The following ADGRV1 variants were observed in gnomAD, a reference collection of about 807,000 sequenced individuals.
ADGRV1 encodes the protein adhesion G protein-coupled receptor V1, also known as G-protein coupled receptor 98.
ADGRV1 carries 359 observed loss-of-function variants against 596.2 expected under a neutral mutation model. That is an observed-to-expected ratio of 0.60 (90% CI 0.55 to 0.66). ADGRV1 has a LOEUF of 0.66. Among genes scored for constraint, ADGRV1 ranks in the 30% least tolerant of loss-of-function variants. ADGRV1 has a pLI of 0.00. For synonymous variants in ADGRV1, 2,681 were observed against 2,679.2 expected (o/e 1.00, Z -0.02); for missense variants, 7,274 against 7,575.6 (o/e 0.96, Z 1.48).
At position 90,617,895 on chromosome 5, in the gene ADGRV1, T is replaced by C; in HGVS notation, c.299T>C (p.Val100Ala). 1 of 1,595,918 alleles carries C rather than the reference T, an allele frequency of 6.3e-7. No individual in the cohort carries two copies. Among genetic ancestry groups the C allele is most frequent in the Non-Finnish European group, 8.5e-7 (1 of 1,169,914 alleles). Reference sequence around the variant, plus strand: ...ACAAACAGAACAGTGTACATAGCAGTATGTGATGATGACTTACCAGAGCCT... The same window carrying C: ...ACAAACAGAACAGTGTACATAGCAGCATGTGATGATGACTTACCAGAGCCT... ...GETNRTVYIAVCDDDLPEPDE... is the reference protein window; with the variant it reads ...GETNRTVYIAACDDDLPEPDE... The change falls in exon 3 of 90, where the codon GTA (valine) becomes GCA (alanine). Residue 100 changes from valine (V) to alanine (A), a missense_variant. By Grantham distance (64) the Val-to-Ala change is moderately conservative. Transcript: ENST00000405460.
At chr5:90,736,654 T>C (rs1323086566) in intron 50 of ADGRV1, among the ~76,000 whole-genome samples, 1 of 152,068 alleles carries the variant, frequency 6.6e-6, no homozygotes. Flanking sequence ...TACTCATTAT[T>C]GATCTGCTTA....
In ADGRV1 at chr5:90,635,285, G is replaced by A; in HGVS notation, c.2011G>A (p.Glu671Lys). The change falls in exon 10 of 90, where the codon GAA (glutamate) becomes AAA (lysine). Residue 671 changes from glutamate (E) to lysine (K), a missense_variant. By Grantham distance (56) the Glu-to-Lys change is moderately conservative. This residue lies in a region of ADGRV1 where 1,715 missense variants were observed against 1,708.8 expected (regional missense o/e 1.00). Transcript: ENST00000405460. ...ILHEPEDFAAEVVYIPLHRDG... is the reference protein window; with the variant it reads ...ILHEPEDFAAKVVYIPLHRDG... ...GCATGAACCAGAAGATTTTGCTGCT[G>A]AAGTGGTAAGTAGGCTCTTTCTTAC... 6.2e-7 allele frequency: 1 copy of A among 1,609,202 alleles called. No individual in the cohort carries two copies. Among genetic ancestry groups the A allele is most frequent in the South Asian group, 1.1e-5 (1 of 89,886 alleles).
At chr5:91,060,812 A>AGCATATGT (rs757466413) in intron 85 of ADGRV1, among the ~76,000 whole-genome samples, 2,311 of 152,338 alleles carry the variant, frequency 0.015, 31 homozygotes, top group South Asian at 0.038. Context: ...CTATCACATA[A>AGCATATGT]AGCCACATAT....
chr5:90,960,021 C>T (rs1777855708), intron 83 of ADGRV1, among the ~76,000 whole-genome samples: 1 of 151,896 alleles, frequency 6.6e-6, no homozygotes, highest in East Asian at 1.9e-4. Flanking sequence ...CACCTGTAGT[C>T]CCAGCTACTC....
intron 1 of ADGRV1, among the ~76,000 whole-genome samples, chr5:90,562,264 G>A (rs931568190): frequency 1.3e-5 from 2 of 152,152 alleles, no homozygotes; most frequent in Admixed American, 6.5e-5. Flanking sequence ...CATGTAGAAT[G>A]GAGTAGTACA....
chr5:91,097,331 A>T (rs149529675), intron 86 of ADGRV1, among the ~76,000 whole-genome samples: 1 of 152,226 alleles, frequency 6.6e-6, no homozygotes, highest in African/African-American at 2.4e-5. Context: ...CAACCTAATC[A>T]CCTCCAAGCA....
chr5:90,973,568 A>G (rs564278873), intron 84 of ADGRV1, among the ~76,000 whole-genome samples: 1 of 152,218 alleles, frequency 6.6e-6, no homozygotes, highest in Non-Finnish European at 1.5e-5. Flanking sequence ...AGTAAACGTA[A>G]TCCAGCATAT....
intron 48 of ADGRV1, among the ~76,000 whole-genome samples, chr5:90,727,230 G>C (rs1751914738): frequency 6.6e-6 from 1 of 152,104 alleles, no homozygotes; most frequent in African/African-American, 2.4e-5. Context: ...TGGGTCAACA[G>C]GCGTGTGTCA....
Position 90,704,378 on chromosome 5 carries a change from G to C in ADGRV1, c.8287-11G>C, listed in dbSNP as rs1197823712. On this transcript the variant is annotated splice_polypyrimidine_tract_variant and intron_variant, in intron 35 of 89. Coordinates refer to ENST00000405460, the MANE Select transcript of ADGRV1 (RefSeq NM_032119.4). ...ACGACAGCGGGATTGATTTCTTTCT[G>C]TATGACATAGGGGTCGTTGAATACA... The C allele has an allele frequency of 4.0e-6, 6 of 1,516,998 alleles. No individual in the cohort carries two copies. The highest frequency in any genetic ancestry group is 5.4e-6 in the Non-Finnish European group (6 of 1,113,804). The allele number at this position is 1,516,998 out of a possible 1,614,324, so 94.0% of individuals were successfully genotyped here.
chr5:90,686,155 T>G (rs1008293906), intron 29 of ADGRV1, among the ~76,000 whole-genome samples, 160 bp downstream of exon 29: 7 of 150,126 alleles, frequency 4.7e-5, no homozygotes, highest in Non-Finnish European at 1.0e-4. Flanking sequence ...TCTAGAGTCT[T>G]TTTTTTTGGG....
intron 83 of ADGRV1, among the ~76,000 whole-genome samples, chr5:90,870,900 T>C (rs1011099160): frequency 1.3e-5 from 2 of 152,216 alleles, no homozygotes; most frequent in Non-Finnish European, 2.9e-5. Flanking sequence ...ATGTGTTTAT[T>C]TATATGTTGT....
intron 70 of ADGRV1, among the ~76,000 whole-genome samples, chr5:90,800,689 G>A (rs889775728): frequency 1.3e-4 from 20 of 152,194 alleles, no homozygotes; most frequent in Non-Finnish European, 2.9e-5. Context: ...GTCCATCAGT[G>A]ATAGACTAGA....
At chr5:91,055,583 A>G (rs1467992845) in intron 85 of ADGRV1, among the ~76,000 whole-genome samples, 1 of 152,202 alleles carries the variant, frequency 6.6e-6, no homozygotes, top group Non-Finnish European at 1.5e-5. Flanking sequence ...TCACAAAGCT[A>G]TTAAAAAGCA....
At chr5:90,712,502 G>A (rs1432136725) in intron 42 of ADGRV1, 74 bp downstream of exon 42, 2 of 1,093,174 alleles carry the variant, frequency 1.8e-6, no homozygotes, top group Non-Finnish European at 2.6e-6. Flanking sequence ...AGATGTAAAG[G>A]AATGAGAAAG....
chr5:90,999,023 G>A (rs183099688), intron 85 of ADGRV1, among the ~76,000 whole-genome samples: 1 of 151,864 alleles, frequency 6.6e-6, no homozygotes, highest in Admixed American at 6.6e-5. Flanking sequence ...TGGATTACTT[G>A]TTCATCTCCC....
chr5:90,985,284 A>G lies in ADGRV1; in HGVS notation c.17974-60A>G, dbSNP rs952474042. 16 of 1,246,370 alleles carry G rather than the reference A, an allele frequency of 1.3e-5. No homozygotes were observed. In the African/African-American group the frequency reaches 1.6e-4, roughly 13 times the overall value. The allele number at this position is 1,246,370 out of a possible 1,614,324, so 77.2% of individuals were successfully genotyped here. On this transcript the variant is annotated intron_variant, in intron 84 of 89. Coordinates refer to ENST00000405460, the MANE Select transcript of ADGRV1 (RefSeq NM_032119.4). ...TCGGTAACATTGCCTAAGCCAGTAGAGTTTGTGTTCTGTGCCATTAAAGAA... is the reference window on the plus strand; with the variant it reads ...TCGGTAACATTGCCTAAGCCAGTAGGGTTTGTGTTCTGTGCCATTAAAGAA...
At chr5:90,972,752 A>G (rs928519698) in intron 84 of ADGRV1, among the ~76,000 whole-genome samples, 22 of 152,320 alleles carry the variant, frequency 1.4e-4, no homozygotes, top group African/African-American at 5.3e-4. Context: ...AGAAAGCAGG[A>G]ACGATCTAAA....
chr5:90,800,961 C>T (rs1761303215), intron 70 of ADGRV1, among the ~76,000 whole-genome samples: 1 of 152,010 alleles, frequency 6.6e-6, no homozygotes, highest in Non-Finnish European at 1.5e-5. Context: ...AGGAGAAATA[C>T]CTAATATAGG....
Position 90,706,373 on chromosome 5 carries a change from C to T in ADGRV1, c.8709C>T (p.Ala2903=). ...LILEEGETAA[A]INITILEDDV... ...TAGAAGAAGGGGAAACAGCAGCAGC[C>T]ATCAACATTACCATTCTTGAGGTAA... The change falls in exon 38 of 90, where the codon GCC becomes GCT. Residue 2903 remains alanine, a synonymous_variant. Transcript: ENST00000405460. 1 of 1,605,804 alleles carries T rather than the reference C, an allele frequency of 6.2e-7. No homozygotes were observed. The highest frequency in any genetic ancestry group is 8.5e-7 in the Non-Finnish European group (1 of 1,177,150).
Sources: allele counts gnomAD v4.1 joint callset (sites outside exome capture counted in the v4.1 genomes callset), GRCh38; gene constraint gnomAD v4.1.1; regional missense constraint gnomAD v4.1.1; transcripts MANE v1.5; gene names NCBI Gene and HGNC (gene_info 2026-07-23, HGNC 2026-07-21).